The following BMPR2 variants were observed in gnomAD, a reference collection of about 807,000 sequenced individuals.
The protein encoded by BMPR2 is bone morphogenetic protein receptor type-2.
In BMPR2, 29 loss-of-function variants were observed where a neutral mutation model predicts 100.8. That is an observed-to-expected ratio of 0.29 (90% CI 0.21 to 0.39). The LOEUF (loss-of-function observed/expected upper bound fraction) is 0.39. Among genes scored for constraint, BMPR2 ranks in the 10% least tolerant of loss-of-function variants. BMPR2 has a pLI of 1.00. For missense variants in BMPR2, 1,011 were observed against 1,274.5 expected (o/e 0.79, Z 3.15); for synonymous variants, 382 against 442.3 (o/e 0.86, Z 1.71).
chr2:202,382,986 T>A (rs961039975), intron 1 of BMPR2, among the ~76,000 whole-genome samples: 43 of 152,236 alleles, frequency 2.8e-4, no homozygotes, highest in African/African-American at 9.9e-4. Flanking sequence ...CTAAGATTCT[T>A]TCTAACTCTC....
rs1056673652 is a variant in BMPR2 at position 202,565,074 on chromosome 2, A to G, written c.*5128A>G. On this transcript the variant is annotated 3_prime_UTR_variant, in exon 13 of 13. Coordinates refer to ENST00000374580, the MANE Select transcript of BMPR2 (RefSeq NM_001204.7). ...AAAAAAAAACAAAAAAAATCACCTC[A>G]TAGTTTATGTCTGACTTACTCCAAA... The G allele has an allele frequency of 2.6e-5, 4 of 152,086 alleles. No homozygotes were observed. The highest frequency in any genetic ancestry group is 5.9e-5 in the Non-Finnish European group (4 of 68,032). 9.4% of individuals were successfully genotyped at this position (152,086 alleles called of 1,614,324 possible).
At chr2:202,487,270 T>C (rs1348644341) in intron 3 of BMPR2, among the ~76,000 whole-genome samples, 1 of 152,178 alleles carries the variant, frequency 6.6e-6, no homozygotes, top group African/African-American at 2.4e-5. Context: ...ATAATAGTCA[T>C]CTAGGAACTT....
At chr2:202,398,682 A>G (rs1282392937) in intron 1 of BMPR2, among the ~76,000 whole-genome samples, 3 of 152,226 alleles carry the variant, frequency 2.0e-5, no homozygotes, top group Non-Finnish European at 4.4e-5. Context: ...ATAAGGAGAT[A>G]TTGAGCAAAA....
At chr2:202,522,963 A>C (rs1057352073) in intron 7 of BMPR2, among the ~76,000 whole-genome samples, 22 of 152,188 alleles carry the variant, frequency 1.4e-4, no homozygotes, top group Non-Finnish European at 3.2e-4. Context: ...AATGAGAGAA[A>C]ATATTTGCAA....
intron 1 of BMPR2, among the ~76,000 whole-genome samples, chr2:202,455,661 G>A (rs189314984): frequency 7.9e-5 from 12 of 152,236 alleles, no homozygotes; most frequent in African/African-American, 2.9e-4. Context: ...TTTGTGGGGA[G>A]TGATTAGTTT....
intron 1 of BMPR2, among the ~76,000 whole-genome samples, chr2:202,455,876 T>C (rs1466358964): frequency 1.3e-5 from 2 of 151,394 alleles, no homozygotes; most frequent in African/African-American, 4.8e-5. Context: ...CCATTCTGGC[T>C]AACACAGTGA....
At chr2:202,513,404 T>G (rs1687657716) in intron 3 of BMPR2, among the ~76,000 whole-genome samples, 1 of 152,222 alleles carries the variant, frequency 6.6e-6, no homozygotes, top group South Asian at 2.1e-4. Context: ...ATTCTAAAAC[T>G]GTTAGATTCT....
intron 1 of BMPR2, among the ~76,000 whole-genome samples, chr2:202,388,795 A>G (rs1434633723): frequency 2.0e-5 from 3 of 151,986 alleles, no homozygotes; most frequent in Non-Finnish European, 4.4e-5. Flanking sequence ...CTCAAAAAAA[A>G]AAAAAAAGCA....
rs974754683 is a variant in BMPR2, at chr2:202,428,359, C to T, written c.77-36450C>T. Among the ~76,000 whole-genome samples the T allele has an allele frequency of 3.3e-5, 5 of 151,794 alleles. No individual in the cohort carries two copies. The Middle Eastern group carries it at 0.014, about 413-fold the overall frequency. The stretch of plus-strand genomic sequence containing the variant: ...AGTCTCTCTCCCTTGTCCCCGCAGT[C>T]GAGTCTGTCTCTCTCCTTCTGTTTC... On this transcript the variant is annotated intron_variant, in intron 1 of 12. Transcript: ENST00000374580.
intron 1 of BMPR2, among the ~76,000 whole-genome samples, chr2:202,381,393 C>G (rs562800864): frequency 3.9e-5 from 6 of 152,210 alleles, no homozygotes; most frequent in African/African-American, 1.4e-4. Flanking sequence ...TTCTGGGGTC[C>G]AGGCTAGAGG....
At chr2:202,514,626 T>C (rs1226203064) in intron 4 of BMPR2, among the ~76,000 whole-genome samples, 3 of 152,230 alleles carry the variant, frequency 2.0e-5, no homozygotes, top group Admixed American at 1.3e-4. Context: ...GTTTTTATAA[T>C]ATTGCTTAGG....
chr2:202,460,298 C>T lies in BMPR2; in HGVS notation c.77-4511C>T, dbSNP rs543529846. 1.8e-4 allele frequency among the ~76,000 whole-genome samples: 27 copies of T among 152,184 alleles called. No homozygotes were observed. The South Asian group carries it at 5.6e-3, about 32-fold the overall frequency. ...GGATAAAGAAAATGTGGTAAATATA[C>T]ACCATGGAATACTATGCAGCCATAA... On this transcript the variant is annotated intron_variant, in intron 1 of 12. Transcript: ENST00000374580.
intron 1 of BMPR2, among the ~76,000 whole-genome samples, chr2:202,426,432 T>G (rs943026498): frequency 3.0e-4 from 46 of 151,474 alleles, no homozygotes; most frequent in African/African-American, 1.1e-3. Context: ...AATACAAAAA[T>G]TAGGCAGGCG....
chr2:202,514,486 A>G (rs1355572968), intron 4 of BMPR2, among the ~76,000 whole-genome samples: 3 of 152,224 alleles, frequency 2.0e-5, no homozygotes, highest in Non-Finnish European at 2.9e-5. Flanking sequence ...TCACATCTGA[A>G]AAAATAACAG....
At chr2:202,410,704 C>T (rs190777816) in intron 1 of BMPR2, among the ~76,000 whole-genome samples, 5 of 152,136 alleles carry the variant, frequency 3.3e-5, no homozygotes, top group African/African-American at 1.2e-4. Flanking sequence ...CTCAGCCACC[C>T]GAGCAGCTGG....
rs548818440 is a variant in BMPR2, at chr2:202,526,302, G to C, written c.968-4492G>C. 9.0e-4 allele frequency among the ~76,000 whole-genome samples: 137 copies of C among 152,110 alleles called. 1 individual carries two copies. The highest frequency in any genetic ancestry group is 3.1e-3 in the African/African-American group (129 of 41,470). On this transcript the variant is annotated intron_variant, in intron 7 of 12. Transcript: ENST00000374580. ...CCCTCATCCCTTGCTACATTTCCTTGTCATATTATAGCCCTGACATTATTT... is the reference window on the plus strand; with the variant it reads ...CCCTCATCCCTTGCTACATTTCCTTCTCATATTATAGCCCTGACATTATTT...
intron 1 of BMPR2, among the ~76,000 whole-genome samples, chr2:202,393,074 GTACCTATATTTAAT>G (rs1690583815): frequency 6.6e-6 from 1 of 151,798 alleles, no homozygotes; most frequent in Non-Finnish European, 1.5e-5. Flanking sequence ...GGCTCAGCAT[GTACCTATATTTAAT>G]ACATTCAGAA....
In BMPR2 at chr2:202,377,417, G is replaced by T; in HGVS notation, c.-58G>T. ...AGACGAGCCTCCCGGCTGTTTCTCC[G>T]CCGGTCTACTTCCCATATTTCTTTT... On this transcript the variant is annotated 5_prime_UTR_variant, in exon 1 of 13. Transcript: ENST00000374580. 6.4e-7 allele frequency: 1 copy of T among 1,553,186 alleles called. No homozygotes were observed. The highest frequency in any genetic ancestry group is 1.1e-5 in the South Asian group (1 of 89,870).
chr2:202,377,300 C>T lies in BMPR2; in HGVS notation c.-175C>T, dbSNP rs528550805. The T allele has an allele frequency of 2.9e-6, 2 of 684,354 alleles. No homozygotes were observed. Among genetic ancestry groups the T allele is most frequent in the Non-Finnish European group, 5.3e-6 (2 of 375,054 alleles). The allele number at this position is 684,354 out of a possible 1,614,324, so 42.4% of individuals were successfully genotyped here. ...AGAGAAATGAAGGGAATTTCTGCAGCGGCATGAAAGCTCTGCAGCTAGGTC... is the reference window on the plus strand; with the variant it reads ...AGAGAAATGAAGGGAATTTCTGCAGTGGCATGAAAGCTCTGCAGCTAGGTC... On this transcript the variant is annotated 5_prime_UTR_variant, in exon 1 of 13. Coordinates refer to ENST00000374580, the MANE Select transcript of BMPR2 (RefSeq NM_001204.7).
Sources: gnomAD v4.1 joint callset for allele counts (sites outside exome capture counted in the v4.1 genomes callset) on GRCh38, gnomAD v4.1.1 for gene constraint, MANE v1.5 for transcripts, NCBI Gene and HGNC (gene_info 2026-07-23, HGNC 2026-07-21) for gene names.